WASF3: variants seen among roughly 807,000 people sequenced by gnomAD.
The protein encoded by WASF3 is WASP family member 3, also known as actin-binding protein WASF3.
In WASF3, 11 loss-of-function variants were observed where a neutral mutation model predicts 46.6. The ratio of observed to expected loss-of-function variants is 0.24; its 90% CI spans 0.15 to 0.39. The LOEUF is 0.39. Ranked by LOEUF, WASF3 falls within the 10% of genes least tolerant of loss-of-function variation. WASF3 has a pLI of 1.00. For synonymous variants in WASF3, 242 were observed against 259.7 expected (o/e 0.93, Z 0.65); for missense variants, 576 against 669.8 (o/e 0.86, Z 1.55).
At chr13:26,558,259 C>G (rs1337662100) in intron 1 of WASF3, among the ~76,000 whole-genome samples, 1 of 152,066 alleles carries the variant, frequency 6.6e-6, no homozygotes, top group African/African-American at 2.4e-5. Context: ...TGTCTGCGCG[C>G]CCTCGCTGGT....
intron 3 of WASF3, among the ~76,000 whole-genome samples, chr13:26,647,004 G>A (rs1028149159): frequency 1.3e-5 from 2 of 152,142 alleles, no homozygotes; most frequent in African/African-American, 2.4e-5. Flanking sequence ...TAACTTTTAG[G>A]AAATCTGTAG....
At chr13:26,626,365 T>G (rs577495783) in intron 2 of WASF3, 1 of 152,272 alleles carries the variant, frequency 6.6e-6, no homozygotes, top group African/African-American at 2.4e-5. Flanking sequence ...ATAAACAAAT[T>G]TTGAGGATGG....
intron 1 of WASF3, among the ~76,000 whole-genome samples, chr13:26,564,558 A>G (rs56364538): frequency 0.16 from 23,654 of 152,158 alleles, 2,436 homozygotes; most frequent in South Asian, 0.25. Flanking sequence ...TTCCTCTCAT[A>G]GCATCCTCTC....
chr13:26,597,014 AG>A (rs1396740080), intron 1 of WASF3, among the ~76,000 whole-genome samples: 7 of 152,208 alleles, frequency 4.6e-5, no homozygotes, highest in Non-Finnish European at 8.8e-5. Flanking sequence ...TAAGTCTTTT[AG>A]TACATTTATC....
chr13:26,546,472 G>A, the WASF3 span, among the ~76,000 whole-genome samples: 1 of 152,238 alleles, frequency 6.6e-6, no homozygotes, highest in Admixed American at 6.5e-5. Flanking sequence ...GGAGGCCGAG[G>A]TGGGTGGATC....
the WASF3 span, among the ~76,000 whole-genome samples, chr13:26,540,900 A>G: frequency 6.6e-6 from 1 of 152,184 alleles, no homozygotes; most frequent in Non-Finnish European, 1.5e-5. Context: ...CTAAGTGGAA[A>G]AAGCAGATTG....
At chr13:26,548,695 A>T in the WASF3 span, among the ~76,000 whole-genome samples, 2 of 152,176 alleles carry the variant, frequency 1.3e-5, no homozygotes, top group Non-Finnish European at 2.9e-5. Flanking sequence ...ATGACCCTAC[A>T]GAGTGAAGTC....
In WASF3 at chr13:26,571,705, C is replaced by CT. The variant is rs147951839; in HGVS notation, c.-109+13890dup. ...TCCCTTGCACATTTACTGAGCTGGT[C>CT]TTTTGTGTTTGCTTTTCCACATGAA... On this transcript the variant is annotated intron_variant, in intron 1 of 9. Transcript: ENST00000335327. Among the ~76,000 whole-genome samples, 1,075 of 152,256 alleles carry CT rather than the reference C, an allele frequency of 7.1e-3. 8 individuals are homozygous for CT. Among genetic ancestry groups the CT allele is most frequent in the African/African-American group, 0.024 (995 of 41,548 alleles).
At chr13:26,555,495 G>A (rs1041707607), upstream of WASF3, among the ~76,000 whole-genome samples, 1 of 152,052 alleles carries the variant, frequency 6.6e-6, no homozygotes, top group Non-Finnish European at 1.5e-5. Context: ...TGTGACATGT[G>A]GCTGGCCAAT....
rs1012246185 is a variant in WASF3, at chr13:26,676,460, A to G, written c.541-89A>G. ...AATGTGTCTTGTCTGTTCATCAGGC[A>G]TGGGCCTTGTGCATTATAACTGCAT... On this transcript the variant is annotated intron_variant, in intron 6 of 9. Coordinates refer to ENST00000335327, the MANE Select transcript of WASF3 (RefSeq NM_006646.6). The G allele has an allele frequency of 5.6e-6, 8 of 1,419,440 alleles. No homozygotes were observed. In the African/African-American group the frequency reaches 8.6e-5, roughly 15 times the overall value. 87.9% of individuals were successfully genotyped at this position (1,419,440 alleles called of 1,614,324 possible).
At chr13:26,663,896 TACTAGCCATGGGATTTGG>T (rs1275675308) in intron 3 of WASF3, among the ~76,000 whole-genome samples, 1 of 152,232 alleles carries the variant, frequency 6.6e-6, no homozygotes, top group Non-Finnish European at 1.5e-5. Flanking sequence ...TTCTGCCATG[TACTAGCCATGGGATTTGG>T]ACGGATCACC....
intron 2 of WASF3, chr13:26,622,774 CA>C (rs148262113): frequency 0.17 from 23,890 of 139,702 alleles, 2,310 homozygotes; most frequent in South Asian, 0.28. Flanking sequence ...GACTCCGTCT[CA>C]AAAAAAAAAA....
chr13:26,668,960 A>G (rs925219259), intron 5 of WASF3, among the ~76,000 whole-genome samples: 1 of 152,228 alleles, frequency 6.6e-6, no homozygotes, highest in African/African-American at 2.4e-5. Context: ...CTCAAACACA[A>G]TGTAACATGT....
chr13:26,569,777 G>T (rs1445742363), intron 1 of WASF3, among the ~76,000 whole-genome samples: 1 of 152,120 alleles, frequency 6.6e-6, no homozygotes, highest in Non-Finnish European at 1.5e-5. Context: ...TTATTGAAAA[G>T]ATTGATGATA....
chr13:26,682,815 C>T lies in WASF3; in HGVS notation c.1192C>T (p.Pro398Ser), dbSNP rs1407418450. The change falls in exon 9 of 10, where the codon CCG (proline) becomes TCG (serine). Residue 398 changes from proline (P) to serine (S), a missense_variant. Transcript: ENST00000335327. This position sits in a 1 kb window ranked among gnomAD's most constrained non-coding sequence, Gnocchi z 4.4. ...TGLLVTAPPP[P>S]GPPPPPPGPP... is the part of the protein sequence containing the mutation. ...GCTCCTGGTCACAGCCCCGCCACCC[C>T]CGGGCCCACCACCTCCCCCGCCAGG... 22 of 1,610,608 alleles carry T rather than the reference C, an allele frequency of 1.4e-5. No homozygotes were observed. The highest frequency in any genetic ancestry group is 1.8e-5 in the Non-Finnish European group (21 of 1,179,792).
intron 2 of WASF3, among the ~76,000 whole-genome samples, chr13:26,630,628 A>G (rs143666858): frequency 1.7e-3 from 255 of 152,294 alleles, no homozygotes; most frequent in African/African-American, 5.6e-3. Context: ...ATACGTGTAC[A>G]TGTGTCTTTA....
Position 26,676,583 on chromosome 13 carries a change from T to A in WASF3, c.575T>A (p.Val192Glu). 1 of 1,613,396 alleles carries A rather than the reference T, an allele frequency of 6.2e-7. No individual in the cohort carries two copies. The highest frequency in any genetic ancestry group is 8.5e-7 in the Non-Finnish European group (1 of 1,179,868). Residue 192 changes from valine (V) to glutamate (E), a missense_variant, in exon 7 of 10, where the codon GTG (valine) becomes GAG (glutamate). By Grantham distance (121) the Val-to-Glu change is moderately radical. Transcript: ENST00000335327. ...QKRIDGTTREVKKVRKARNRR... is the reference protein window; with the variant it reads ...QKRIDGTTREEKKVRKARNRR... ...CGTATAGATGGCACCACCCGTGAGGTGAAAAAGGTTAGAAAAGCCAGAAAC... is the reference window on the plus strand; with the variant it reads ...CGTATAGATGGCACCACCCGTGAGGAGAAAAAGGTTAGAAAAGCCAGAAAC...
chr13:26,636,559 G>A (rs1012193156), intron 2 of WASF3, among the ~76,000 whole-genome samples: 6 of 152,264 alleles, frequency 3.9e-5, no homozygotes, highest in Non-Finnish European at 5.9e-5. Context: ...AGGTACCTCA[G>A]TTGGAAATGC....
At chr13:26,543,457 G>T in the WASF3 span, among the ~76,000 whole-genome samples, 5 of 152,134 alleles carry the variant, frequency 3.3e-5, no homozygotes, top group African/African-American at 1.2e-4. Flanking sequence ...ACCATTTGAA[G>T]AGAAATATTA....
Sources: gnomAD v4.1 joint callset for allele counts (sites outside exome capture counted in the v4.1 genomes callset) on GRCh38, gnomAD v4.1.1 for gene constraint, Gnocchi (gnomAD v3.1) non-coding constraint, MANE v1.5 for transcripts, NCBI Gene and HGNC (gene_info 2026-07-23, HGNC 2026-07-21) for gene names.